The following NAALADL2 variants were observed in gnomAD, a reference collection of about 807,000 sequenced individuals.
NAALADL2 encodes the protein inactive N-acetylated-alpha-linked acidic dipeptidase-like protein 2.
Under a neutral mutation model 87.2 loss-of-function variants are expected in NAALADL2, and 76 were observed. That is an observed-to-expected ratio of 0.87 (90% confidence interval 0.72 to 1.05). NAALADL2 has a LOEUF of 1.05. NAALADL2 is among the 50% of genes least tolerant of loss of function. The pLI is 0.00. For synonymous variants in NAALADL2, 354 were observed against 331.0 expected, an observed-to-expected ratio of 1.07 and a Z score of -0.75; for missense variants, 1,089 against 945.8, an observed-to-expected ratio of 1.15 and a Z score of -1.99.
chr3:175,171,787 T>A (rs1734872076), intron 2 of NAALADL2, among the ~76,000 whole-genome samples: 1 of 152,124 alleles, frequency 6.6e-6, no homozygotes, highest in South Asian at 2.1e-4. Context: ...GTTCATTTTA[T>A]GTGAAACAAG....
At chr3:174,457,035 A>T (rs1270177200) in intron 1 of NAALADL2, among the ~76,000 whole-genome samples, 1 of 152,166 alleles carries the variant, frequency 6.6e-6, no homozygotes, top group Non-Finnish European at 1.5e-5. Flanking sequence ...TCCCATTAAA[A>T]TGTGGGCAAA....
At chr3:174,764,963 G>T (rs946949849) in intron 3 of NAALADL2, among the ~76,000 whole-genome samples, 2 of 152,050 alleles carry the variant, frequency 1.3e-5, no homozygotes, top group African/African-American at 4.8e-5. Context: ...AGAGAACTTG[G>T]AAGTTATACA....
intron 1 of NAALADL2, among the ~76,000 whole-genome samples, chr3:175,018,006 C>A (rs949862622): frequency 6.6e-6 from 1 of 151,896 alleles, no homozygotes; most frequent in African/African-American, 2.4e-5. Context: ...GGCTTAGGGT[C>A]GCATAAAACC....
intron 11 of NAALADL2, among the ~76,000 whole-genome samples, chr3:175,667,199 GAA>G (rs1311145977): frequency 1.3e-4 from 14 of 105,666 alleles, no homozygotes; most frequent in African/African-American, 6.9e-4. Flanking sequence ...AAGAAAGAAA[GAA>G]AGAAAGAAAG....
intron 2 of NAALADL2, among the ~76,000 whole-genome samples, chr3:174,584,069 A>G (rs1218899214): frequency 6.6e-6 from 1 of 152,196 alleles, no homozygotes; most frequent in Non-Finnish European, 1.5e-5. Context: ...ATAAATTAAT[A>G]GGCACAATTA....
At chr3:174,867,320 CTTATA>C (rs1333610022) in intron 1 of NAALADL2, among the ~76,000 whole-genome samples, 1 of 151,936 alleles carries the variant, frequency 6.6e-6, no homozygotes, top group East Asian at 1.9e-4. Context: ...TGCTGAACTT[CTTATA>C]TTATGTTCCT....
intron 5 of NAALADL2, among the ~76,000 whole-genome samples, chr3:175,341,657 CCTTT>C (rs1162713285): frequency 1.3e-5 from 2 of 152,004 alleles, no homozygotes; most frequent in Non-Finnish European, 2.9e-5. Flanking sequence ...TTTTCTATAT[CCTTT>C]CTGTCACTTG....
chr3:175,240,502 A>G (rs1338143989), intron 3 of NAALADL2, among the ~76,000 whole-genome samples: 1 of 152,230 alleles, frequency 6.6e-6, no homozygotes, highest in Admixed American at 6.5e-5. Context: ...AGCTATATGC[A>G]TTTGGCTCTG....
intron 3 of NAALADL2, among the ~76,000 whole-genome samples, chr3:174,847,556 A>T (rs1159723532): frequency 1.3e-5 from 2 of 152,160 alleles, no homozygotes; most frequent in African/African-American, 2.4e-5. Flanking sequence ...ATGGTTGGCC[A>T]GGATTGGGGA....
rs573818573 is a variant in NAALADL2, at chr3:174,577,731, A to G, written c.-115+27094A>G. On this transcript the variant is annotated intron_variant, in intron 2 of 3. Transcript: ENST00000434257. The stretch of plus-strand genomic sequence containing the variant: ...TATCCTCCACAATTTAGATTACCCA[A>G]TCAAAATTTTCTAGACATGTGAGGT... Among the ~76,000 whole-genome samples, 10 of 152,180 alleles carry G rather than the reference A, an allele frequency of 6.6e-5. No homozygotes were observed. The South Asian group carries it at 1.9e-3, about 28-fold the overall frequency.
intron 2 of NAALADL2, among the ~76,000 whole-genome samples, chr3:175,222,244 G>A (rs1486327550): frequency 6.6e-6 from 1 of 152,014 alleles, no homozygotes; most frequent in Admixed American, 6.6e-5. Context: ...TATTCAATAG[G>A]TACTTGTTGA....
At chr3:175,697,300 G>A (rs1253790974) in intron 11 of NAALADL2, among the ~76,000 whole-genome samples, 1 of 151,816 alleles carries the variant, frequency 6.6e-6, no homozygotes, top group Non-Finnish European at 1.5e-5. Flanking sequence ...AGAATACAGA[G>A]AATCCTGTTT....
At chr3:175,316,749 T>C (rs1759192469) in intron 4 of NAALADL2, among the ~76,000 whole-genome samples, 1 of 152,214 alleles carries the variant, frequency 6.6e-6, no homozygotes, top group Non-Finnish European at 1.5e-5. Context: ...ATATTTTTTC[T>C]GAACATTTTA....
chr3:174,540,165 A>G (rs1391051982), intron 1 of NAALADL2, among the ~76,000 whole-genome samples: 1 of 152,114 alleles, frequency 6.6e-6, no homozygotes, highest in East Asian at 1.9e-4. Context: ...AGTTCACAAA[A>G]TAGAATTTAT....
intron 2 of NAALADL2, among the ~76,000 whole-genome samples, chr3:175,221,112 TCA>T (rs1417855879): frequency 1.3e-5 from 2 of 150,302 alleles, no homozygotes; most frequent in Non-Finnish European, 2.9e-5. Flanking sequence ...GGTGGGAGAA[TCA>T]CTTGAACCCA....
intron 2 of NAALADL2, among the ~76,000 whole-genome samples, chr3:175,115,698 G>T (rs1025049174): frequency 2.6e-5 from 4 of 151,598 alleles, no homozygotes; most frequent in Admixed American, 6.6e-5. Flanking sequence ...TGGTATTTCT[G>T]CTTGGATAGG....
At chr3:175,269,713 T>C (rs888517348) in intron 4 of NAALADL2, among the ~76,000 whole-genome samples, 3 of 152,200 alleles carry the variant, frequency 2.0e-5, no homozygotes, top group Non-Finnish European at 2.9e-5. Context: ...TTATCCAATG[T>C]TGTACATTTA....
At chr3:174,777,472 A>G (rs1416781823) in intron 3 of NAALADL2, among the ~76,000 whole-genome samples, 1 of 152,164 alleles carries the variant, frequency 6.6e-6, no homozygotes, top group African/African-American at 2.4e-5. Flanking sequence ...GTTATATATC[A>G]TCAAAATTTC....
intron 2 of NAALADL2, among the ~76,000 whole-genome samples, chr3:175,191,551 C>T (rs1238599553): frequency 6.6e-6 from 1 of 152,060 alleles, no homozygotes; most frequent in Non-Finnish European, 1.5e-5. Context: ...ATACTAACCC[C>T]AGAAAGCACC....
Sources: allele counts gnomAD v4.1 joint callset (sites outside exome capture counted in the v4.1 genomes callset), GRCh38; gene constraint gnomAD v4.1.1; transcripts MANE v1.5; gene names NCBI Gene and HGNC (gene_info 2026-07-23, HGNC 2026-07-21).